The following PRKG1 variants were observed in gnomAD, a reference collection of about 807,000 sequenced individuals.
PRKG1 encodes cGMP-dependent protein kinase 1.
PRKG1 carries 35 observed loss-of-function variants against 88.1 expected under a neutral mutation model. That is an observed-to-expected ratio of 0.40 (90% confidence interval 0.30 to 0.53). The LOEUF (loss-of-function observed/expected upper bound fraction) is 0.53. Ranked by LOEUF, PRKG1 falls within the 20% of genes least tolerant of loss-of-function variation. PRKG1 has a pLI of 0.59. For missense variants in PRKG1, 540 were observed against 839.8 expected (o/e 0.64, Z 4.41); for synonymous variants, 303 against 292.5 (o/e 1.04, Z -0.37).
chr10:51,361,551 C>T (rs761567691), intron 2 of PRKG1, among the ~76,000 whole-genome samples: 3 of 151,816 alleles, frequency 2.0e-5, no homozygotes, highest in Non-Finnish European at 4.4e-5. Flanking sequence ...TGAGAGCTCT[C>T]AGGTCCATGG....
chr10:51,223,430 T>G (rs890980076), intron 2 of PRKG1, among the ~76,000 whole-genome samples: 3 of 152,218 alleles, frequency 2.0e-5, no homozygotes, highest in African/African-American at 7.2e-5. Flanking sequence ...ATACTTCATA[T>G]AAGTAGAGGC....
rs1277382046 is a variant in PRKG1, at chr10:52,024,124, A to G, written c.763-30360A>G. ...AGGAAGGGATCCAAACCACTGCTCAAGGAAATAAGAGAGGATACAAACAAA... is the reference window on the plus strand; with the variant it reads ...AGGAAGGGATCCAAACCACTGCTCAGGGAAATAAGAGAGGATACAAACAAA... On this transcript the variant is annotated intron_variant, in intron 5 of 17. Coordinates refer to ENST00000373980, the MANE Select transcript of PRKG1 (RefSeq NM_006258.4). 2.6e-5 allele frequency among the ~76,000 whole-genome samples: 4 copies of G among 152,098 alleles called. No individual in the cohort carries two copies. In the East Asian group the frequency reaches 7.8e-4, roughly 30 times the overall value.
At chr10:51,080,115 C>T (rs1427410584) in intron 1 of PRKG1, among the ~76,000 whole-genome samples, 1 of 152,232 alleles carries the variant, frequency 6.6e-6, no homozygotes, top group East Asian at 1.9e-4. Context: ...TTTGACATTA[C>T]AGTTTATGCA....
At chr10:51,532,524 T>C (rs1230362834) in intron 3 of PRKG1, among the ~76,000 whole-genome samples, 3 of 152,224 alleles carry the variant, frequency 2.0e-5, no homozygotes, top group Non-Finnish European at 2.9e-5. Context: ...AGTTTTTAAA[T>C]CAGCAGTCAT....
chr10:51,793,374 A>T (rs984954140), intron 3 of PRKG1, among the ~76,000 whole-genome samples: 2 of 152,102 alleles, frequency 1.3e-5, no homozygotes, highest in Non-Finnish European at 2.9e-5. Flanking sequence ...AATGATGGAA[A>T]AAAGAACAAA....
intron 3 of PRKG1, among the ~76,000 whole-genome samples, chr10:51,521,849 C>T (rs1841744354): frequency 6.6e-6 from 1 of 152,102 alleles, no homozygotes; most frequent in African/African-American, 2.4e-5. Flanking sequence ...TTAAGTTTCT[C>T]TTTTTATACT....
chr10:51,225,776 A>G (rs899806872), intron 2 of PRKG1, among the ~76,000 whole-genome samples: 5 of 152,182 alleles, frequency 3.3e-5, no homozygotes, highest in Non-Finnish European at 5.9e-5. Context: ...ACTGATTTAG[A>G]AAAGTTCTAG....
chr10:51,535,452 A>G (rs1328622728), intron 3 of PRKG1, among the ~76,000 whole-genome samples: 1 of 152,224 alleles, frequency 6.6e-6, no homozygotes, highest in African/African-American at 2.4e-5. Context: ...GAAGACAGGA[A>G]GTAAAGAAGA....
intron 3 of PRKG1, among the ~76,000 whole-genome samples, chr10:51,493,690 T>G (rs10997790): frequency 0.33 from 49,782 of 152,030 alleles, 8,523 homozygotes; most frequent in African/African-American, 0.42. Flanking sequence ...CATGTCAAGT[T>G]TCAGCTGCTC....
chr10:51,224,679 G>A (rs904844354), intron 2 of PRKG1, among the ~76,000 whole-genome samples: 3 of 152,046 alleles, frequency 2.0e-5, no homozygotes, highest in Admixed American at 6.6e-5. Flanking sequence ...CTCCTACAGA[G>A]CGTCCTATAT....
chr10:52,283,226 T>C (rs969043194), intron 14 of PRKG1, among the ~76,000 whole-genome samples: 1 of 151,974 alleles, frequency 6.6e-6, no homozygotes, highest in African/African-American at 2.4e-5. Flanking sequence ...AATAAGCAAA[T>C]TGGAAGAGGA....
chr10:51,282,448 G>A (rs146391806), intron 2 of PRKG1, among the ~76,000 whole-genome samples: 14 of 152,246 alleles, frequency 9.2e-5, no homozygotes, highest in African/African-American at 3.4e-4. Flanking sequence ...CAGAATTTGT[G>A]GTGTGAGAAT....
intron 3 of PRKG1, among the ~76,000 whole-genome samples, chr10:51,502,755 A>AT (rs1273451625): frequency 3.3e-5 from 5 of 152,172 alleles, no homozygotes; most frequent in African/African-American, 1.2e-4. Flanking sequence ...ATGGTATATC[A>AT]TGCATTTTGA....
chr10:51,998,584 C>T lies in PRKG1; in HGVS notation c.763-55900C>T, dbSNP rs528490862. ...TATCTGTTATATATGCTGTTGCAAA[C>T]AGATGTCTAATATATTATTTATTTT... On this transcript the variant is annotated intron_variant, in intron 5 of 17. Transcript: ENST00000373980. Among the ~76,000 whole-genome samples the T allele has an allele frequency of 3.3e-5, 5 of 152,140 alleles. No homozygotes were observed. The East Asian group carries it at 7.7e-4, about 24-fold the overall frequency.
intron 5 of PRKG1, among the ~76,000 whole-genome samples, chr10:51,926,870 C>CT (rs5784893): frequency 0.61 from 91,831 of 151,046 alleles, 29,401 homozygotes; most frequent in African/African-American, 0.83. Flanking sequence ...AGTGTTAAGA[C>CT]GATATGTAGT....
intron 3 of PRKG1, among the ~76,000 whole-genome samples, chr10:51,636,666 G>C (rs16920785): frequency 0.018 from 2,701 of 152,284 alleles, 88 homozygotes; most frequent in African/African-American, 0.062. Context: ...GCTGTACCCA[G>C]GCAAATAGAA....
At chr10:51,338,877 T>C (rs1000352382) in intron 2 of PRKG1, among the ~76,000 whole-genome samples, 13 of 152,132 alleles carry the variant, frequency 8.5e-5, no homozygotes, top group African/African-American at 2.7e-4. Context: ...ACAAAAGATA[T>C]CTAGCGCAAT....
At position 52,054,623 on chromosome 10, in the gene PRKG1, C is replaced by T. The variant is rs12778630; in HGVS notation, c.840+62C>T. ...GGAGCCTGGGGTTGGTTAGTAACTC[C>T]AGTAGGAACACATGCAGAGTCTTGT... On this transcript the variant is annotated intron_variant, in intron 6 of 17. Coordinates refer to ENST00000373980, the MANE Select transcript of PRKG1 (RefSeq NM_006258.4). The T allele has an allele frequency of 0.42, 581,972 of 1,384,766 alleles. 122,978 individuals carry two copies. Among genetic ancestry groups the T allele is most frequent in the Non-Finnish European group, 0.44 (430,221 of 973,120 alleles). 85.8% of individuals were successfully genotyped at this position (1,384,766 alleles called of 1,614,324 possible).
chr10:51,780,509 G>A (rs937042914), intron 3 of PRKG1, among the ~76,000 whole-genome samples: 1 of 152,078 alleles, frequency 6.6e-6, no homozygotes, highest in Non-Finnish European at 1.5e-5. Context: ...ACATGCTCAT[G>A]TACATGATCA....
Sources: allele counts gnomAD v4.1 joint callset (sites outside exome capture counted in the v4.1 genomes callset), GRCh38; gene constraint gnomAD v4.1.1; transcripts MANE v1.5; gene names NCBI Gene and HGNC (gene_info 2026-07-23, HGNC 2026-07-21).